Variants in PLEKHG1 observed in about 807,000 individuals in gnomAD.
PLEKHG1 encodes pleckstrin homology domain-containing family G member 1.
PLEKHG1 carries 44 observed loss-of-function variants against 100.8 expected under a neutral mutation model. The ratio of observed to expected loss-of-function variants is 0.44; its 90% CI spans 0.34 to 0.56. The LOEUF is 0.56. Among genes scored for constraint, PLEKHG1 ranks in the 20% least tolerant of loss-of-function variants. PLEKHG1 has a pLI of 0.01. For synonymous variants in PLEKHG1, 640 were observed against 662.5 expected, an observed-to-expected ratio of 0.97 and a Z score of 0.52; for missense variants, 1,545 against 1,720.9, an observed-to-expected ratio of 0.90 and a Z score of 1.81.
chr6:150,814,740 A>T (rs1217419737), intron 10 of PLEKHG1, among the ~76,000 whole-genome samples: 1 of 152,098 alleles, frequency 6.6e-6, no homozygotes, highest in African/African-American at 2.4e-5. Flanking sequence ...ACAGCGTCTC[A>T]CTCTGTCACC....
chr6:150,757,719 C>T (rs1421423371), intron 2 of PLEKHG1, among the ~76,000 whole-genome samples: 7 of 152,106 alleles, frequency 4.6e-5, no homozygotes, highest in East Asian at 1.9e-4. Context: ...ATTTAAGTTC[C>T]GGGGTACATG....
At chr6:150,804,628 G>A in exon 7 of PLEKHG1, 1 of 1,595,288 alleles carries the variant, frequency 6.3e-7, no homozygotes, top group Non-Finnish European at 8.5e-7. Flanking sequence ...AAACCACCTT[G>A]ATAAGGACAC....
intron 1 of PLEKHG1, among the ~76,000 whole-genome samples, chr6:150,609,606 T>C (rs1236643946): frequency 6.6e-6 from 1 of 152,110 alleles, no homozygotes; most frequent in African/African-American, 2.4e-5. Flanking sequence ...TTGCCACAGC[T>C]TGGCAGTGTG....
intron 10 of PLEKHG1, among the ~76,000 whole-genome samples, chr6:150,811,364 G>A (rs969714856): frequency 1.3e-5 from 2 of 151,810 alleles, no homozygotes; most frequent in African/African-American, 4.8e-5. Flanking sequence ...TGACCTCCTG[G>A]GCTCAAGACA....
At chr6:150,708,425 G>A (rs1049727685) in intron 3 of PLEKHG1, among the ~76,000 whole-genome samples, 1 of 152,076 alleles carries the variant, frequency 6.6e-6, no homozygotes, top group Non-Finnish European at 1.5e-5. Context: ...TGTGATATGT[G>A]CCTGAAAATA....
At position 150,729,550 on chromosome 6, in the gene PLEKHG1, C is replaced by T. The variant is rs934551951; in HGVS notation, c.-98-4034C>T. ...AGTTTTTATGAGGTGCATTTTCCTA[C>T]GTGAGGAAACTATAATTATCTTCTA... On this transcript the variant is annotated intron_variant, in intron 1 of 15. Coordinates refer to ENST00000358517, the Ensembl canonical transcript of PLEKHG1. Among the ~76,000 whole-genome samples the T allele has an allele frequency of 7.2e-5, 11 of 152,246 alleles. No individual in the cohort carries two copies. The East Asian group carries it at 9.6e-4, about 13-fold the overall frequency.
chr6:150,707,211 C>G lies in PLEKHG1; in HGVS notation c.-98-26373C>G, dbSNP rs183088955. On this transcript the variant is annotated intron_variant, in intron 3 of 3. Transcript: ENST00000367326. ...GTAGAGACGGGTTTTGCCATGTTGG[C>G]CAGGCTGGTCTTGAACTCCTGACCT... 4.6e-5 allele frequency among the ~76,000 whole-genome samples: 7 copies of G among 151,594 alleles called. No homozygotes were observed. The East Asian group carries it at 1.4e-3, about 29-fold the overall frequency.
At chr6:150,606,086 T>C (rs548838782) in intron 1 of PLEKHG1, among the ~76,000 whole-genome samples, 1 of 152,382 alleles carries the variant, frequency 6.6e-6, no homozygotes, top group Non-Finnish European at 1.5e-5. Flanking sequence ...AAGCCATTTA[T>C]GATCTAATGT....
At chr6:150,663,603 G>C (rs1582908490) in intron 3 of PLEKHG1, 1 of 149,172 alleles carries the variant, frequency 6.7e-6, no homozygotes, top group Admixed American at 6.7e-5. Context: ...GTCCAGGCTG[G>C]AGTACAGTGG....
intron 2 of PLEKHG1, among the ~76,000 whole-genome samples, chr6:150,647,935 G>A (rs1276541555): frequency 6.6e-6 from 1 of 151,704 alleles, no homozygotes; most frequent in Non-Finnish European, 1.5e-5. Context: ...TAAACTCATT[G>A]GTTTACCTCA....
rs1583198324 is a variant in PLEKHG1, at chr6:150,822,008, A to G, written c.1447+775A>G. ...AAGCATGTGCCACCGCGCCTGGCTA[A>G]TTTTGTATTTTTAGTAGAGATGGGG... On this transcript the variant is annotated intron_variant, in intron 13 of 15. Coordinates refer to ENST00000358517, the Ensembl canonical transcript of PLEKHG1. Among the ~76,000 whole-genome samples, 3 of 150,702 alleles carry G rather than the reference A, an allele frequency of 2.0e-5. No homozygotes were observed. The East Asian group carries it at 5.9e-4, about 30-fold the overall frequency.
intron 3 of PLEKHG1, among the ~76,000 whole-genome samples, chr6:150,670,913 T>C (rs1779560653): frequency 6.7e-6 from 1 of 149,208 alleles, no homozygotes; most frequent in Admixed American, 6.7e-5. Flanking sequence ...AAGTCCATTG[T>C]ATCATTCTTA....
In PLEKHG1 at chr6:150,683,630, CTG is replaced by C. The variant is rs1780007986; in HGVS notation, c.-99+32847_-99+32848del. The C allele has an allele frequency of 2.6e-6, 1 of 388,954 alleles. No individual in the cohort carries two copies. The highest frequency in any genetic ancestry group is 8.1e-5 in the East Asian group (1 of 12,360). 24.1% of individuals were successfully genotyped at this position (388,954 alleles called of 1,614,324 possible). A position where few individuals can be genotyped will look rare whatever the true frequency, so the allele number is the denominator to read the frequency against. ...TTCCTGTTGGGGAAAACCTTGGACA[CTG>C]TGCATCCACCTGCTATAACTGGCAA... On this transcript the variant is annotated intron_variant, in intron 3 of 3. Transcript: ENST00000367326. The surrounding 1 kb of genome is among the most constrained non-coding windows in gnomAD (Gnocchi z 4.0).
chr6:150,779,343 A>AGTTTGTTTTTTTTT (rs138096623), intron 3 of PLEKHG1, among the ~76,000 whole-genome samples: 34 of 88,548 alleles, frequency 3.8e-4, no homozygotes, highest in South Asian at 1.4e-3. Context: ...ATTGTCAAGA[A>AGTTTGTTTTTTTTT]GTTTTTTTTT....
intron 2 of PLEKHG1, among the ~76,000 whole-genome samples, chr6:150,646,519 T>C (rs2128571397): frequency 6.6e-6 from 1 of 152,236 alleles, no homozygotes; most frequent in South Asian, 2.1e-4. Context: ...AACCAACAGA[T>C]GATGTTATTC....
chr6:150,691,967 G>A (rs1780362717), intron 3 of PLEKHG1, among the ~76,000 whole-genome samples: 1 of 152,238 alleles, frequency 6.6e-6, no homozygotes. Flanking sequence ...CAAGAGACCA[G>A]GGGTGGATCC....
rs139963955 is a variant in PLEKHG1 at position 150,654,595 on chromosome 6, A to C, written c.-99+3809A>C. On this transcript the variant is annotated intron_variant, in intron 3 of 3. Transcript: ENST00000367326. ...AACACTGAAGGCTTTGTGGGATTGA[A>C]ATATGACTGCTTTTTACCTCTAAGA... 1.9e-4 allele frequency among the ~76,000 whole-genome samples: 29 copies of C among 152,334 alleles called. 3 individuals carry two copies. The East Asian group carries it at 4.0e-3, about 21-fold the overall frequency.
At chr6:150,771,628 C>G (rs538937311) in intron 3 of PLEKHG1, among the ~76,000 whole-genome samples, 1 of 151,830 alleles carries the variant, frequency 6.6e-6, no homozygotes, top group South Asian at 2.1e-4. Flanking sequence ...TCATTGCAAC[C>G]TCCGCCTCCC....
In PLEKHG1 at chr6:150,693,295, TAACA is replaced by T. The variant is rs200279357; in HGVS notation, c.-98-40274_-98-40271del. On this transcript the variant is annotated intron_variant, in intron 3 of 3. Transcript: ENST00000367326. ...AGAGCAGGACTCTGTCTCAAAAAATTAACAAACAAACAAACAAAAAACCTATGTG... is the reference window on the plus strand; with the variant it reads ...AGAGCAGGACTCTGTCTCAAAAAATTAACAAACAAACAAAAAACCTATGTG... Among the ~76,000 whole-genome samples the T allele has an allele frequency of 9.0e-3, 1,365 of 152,034 alleles. 26 individuals are homozygous for T. Among genetic ancestry groups the T allele is most frequent in the African/African-American group, 0.031 (1,273 of 41,464 alleles).
Sources: allele counts gnomAD v4.1 joint callset (sites outside exome capture counted in the v4.1 genomes callset), GRCh38; gene constraint gnomAD v4.1.1; non-coding constraint Gnocchi (gnomAD v3.1); transcripts MANE v1.5; gene names NCBI Gene and HGNC (gene_info 2026-07-23, HGNC 2026-07-21).